The following THEMIS variants were observed in gnomAD, a reference collection of about 807,000 sequenced individuals.
THEMIS encodes the protein protein THEMIS.
THEMIS carries 37 observed loss-of-function variants against 52.6 expected under a neutral mutation model. That is an observed-to-expected ratio of 0.70 (90% CI 0.54 to 0.93). The LOEUF is 0.93. Among genes scored for constraint, THEMIS ranks in the 40% least tolerant of loss-of-function variants. The pLI, the probability that THEMIS is intolerant of heterozygous loss-of-function variation, is 0.00. For synonymous variants in THEMIS, 292 were observed against 272.7 expected (o/e 1.07, Z -0.70); for missense variants, 808 against 763.1 (o/e 1.06, Z -0.69).
chr6:127,809,940 C>T (rs897353268), intron 4 of THEMIS, among the ~76,000 whole-genome samples: 34 of 151,286 alleles, frequency 2.2e-4, no homozygotes, highest in African/African-American at 8.0e-4. Flanking sequence ...TTTAACAGCT[C>T]CTTACAAACT....
intron 4 of THEMIS, among the ~76,000 whole-genome samples, chr6:127,784,986 TC>T (rs1355136707): frequency 2.9e-3 from 368 of 126,430 alleles, no homozygotes; most frequent in Non-Finnish European, 3.9e-3. Flanking sequence ...TATCTATCTA[TC>T]TATCTATCTA....
chr6:127,823,197 G>A (rs1273983787), intron 3 of THEMIS, among the ~76,000 whole-genome samples: 1 of 152,120 alleles, frequency 6.6e-6, no homozygotes, highest in Non-Finnish European at 1.5e-5. Context: ...TAAGACTGCA[G>A]CCTAAAGGAA....
chr6:127,899,379 A>G (rs2114499704), intron 1 of THEMIS, among the ~76,000 whole-genome samples: 1 of 152,056 alleles, frequency 6.6e-6, no homozygotes, highest in Non-Finnish European at 1.5e-5. Flanking sequence ...TTACAAAAAT[A>G]GTGTGTTTGG....
chr6:127,807,421 A>G (rs552113743), intron 4 of THEMIS: 1 of 200,782 alleles, frequency 5.0e-6, no homozygotes, highest in Admixed American at 6.2e-5. Context: ...CTCACAGTCA[A>G]AAAAGCTAAA....
At position 127,812,864 on chromosome 6, in the gene THEMIS, T is replaced by G. The variant is rs1562273062; in HGVS notation, c.1758+19A>C. 2 of 1,550,712 alleles carry G rather than the reference T, an allele frequency of 1.3e-6. No homozygotes were observed. ...AAGGAACACACTCCAGAGAAAACAT[T>G]GCAAAACCATAGCCTTACCTTGGGA... is the stretch of plus-strand genomic sequence containing the variant. On this transcript the variant is annotated intron_variant, in intron 4 of 5. Transcript: ENST00000368248.
chr6:127,852,482 AC>A (rs1779462898), intron 2 of THEMIS, among the ~76,000 whole-genome samples: 1 of 151,590 alleles, frequency 6.6e-6, no homozygotes, highest in South Asian at 2.1e-4. Flanking sequence ...TCCAAAAAAA[AC>A]AAGTCTCAAT....
At chr6:127,767,788 C>T (rs1776250972) in intron 4 of THEMIS, among the ~76,000 whole-genome samples, 1 of 152,080 alleles carries the variant, frequency 6.6e-6, no homozygotes, top group South Asian at 2.1e-4. Flanking sequence ...ATGTACTATA[C>T]TTTTATACAA....
At chr6:127,841,030 CA>C (rs1779030982) in intron 2 of THEMIS, among the ~76,000 whole-genome samples, 1 of 152,006 alleles carries the variant, frequency 6.6e-6, no homozygotes, top group South Asian at 2.1e-4. Flanking sequence ...GGATATGTGT[CA>C]TTCTACATTT....
chr6:127,918,305 C>G (rs1781567428), intron 1 of THEMIS: 1 of 152,156 alleles, frequency 6.6e-6, no homozygotes, highest in African/African-American at 2.4e-5. Flanking sequence ...AAATTTTCTT[C>G]TAGGCTAAGT....
intron 4 of THEMIS, among the ~76,000 whole-genome samples, chr6:127,802,258 G>T (rs1279701398): frequency 1.3e-5 from 2 of 152,140 alleles, no homozygotes; most frequent in Non-Finnish European, 2.9e-5. Flanking sequence ...ATATACCCTT[G>T]ACCAATGCCT....
chr6:127,851,309 T>G (rs1404837667), intron 2 of THEMIS, among the ~76,000 whole-genome samples: 2 of 151,628 alleles, frequency 1.3e-5, no homozygotes, highest in East Asian at 1.9e-4. Context: ...ACACTTCAAG[T>G]AGACTAAACT....
intron 4 of THEMIS, among the ~76,000 whole-genome samples, chr6:127,782,922 C>T (rs1301766262): frequency 6.6e-6 from 1 of 152,170 alleles, no homozygotes; most frequent in East Asian, 1.9e-4. Context: ...ATAGAACCTA[C>T]ATAGCCAAAA....
intron 4 of THEMIS, among the ~76,000 whole-genome samples, chr6:127,805,384 T>C (rs563868533): frequency 1.8e-4 from 28 of 152,206 alleles, no homozygotes; most frequent in African/African-American, 6.7e-4. Flanking sequence ...TGAGAAAGTT[T>C]ACGGCTATAA....
chr6:127,725,155 TTATA>T (rs1452508034), intron 4 of THEMIS, among the ~76,000 whole-genome samples: 1 of 152,086 alleles, frequency 6.6e-6, no homozygotes, highest in African/African-American at 2.4e-5. Context: ...CCCTCTCTGC[TTATA>T]TAAACACTGC....
intron 4 of THEMIS, among the ~76,000 whole-genome samples, chr6:127,736,750 C>T (rs1249305228): frequency 1.3e-5 from 2 of 150,946 alleles, no homozygotes; most frequent in Non-Finnish European, 2.9e-5. Flanking sequence ...TCTTCTATCT[C>T]CTAATGTAGT....
At chr6:127,820,952 T>C (rs1194687522) in intron 3 of THEMIS, among the ~76,000 whole-genome samples, 1 of 152,022 alleles carries the variant, frequency 6.6e-6, no homozygotes, top group Non-Finnish European at 1.5e-5. Context: ...TTATGGCAAA[T>C]ATTATATCTA....
intron 4 of THEMIS, among the ~76,000 whole-genome samples, chr6:127,802,014 G>A (rs775139375): frequency 6.6e-6 from 1 of 152,176 alleles, no homozygotes; most frequent in Non-Finnish European, 1.5e-5. Context: ...GGCCCACTAA[G>A]TAGGAACTCT....
intron 5 of THEMIS, among the ~76,000 whole-genome samples, chr6:127,715,399 G>T (rs570695557): frequency 1.3e-3 from 199 of 151,920 alleles, no homozygotes; most frequent in Non-Finnish European, 2.5e-3. Flanking sequence ...GAATAACATT[G>T]AATTATTGAG....
intron 1 of THEMIS, among the ~76,000 whole-genome samples, chr6:127,885,509 A>T (rs1780617959): frequency 6.6e-6 from 1 of 152,100 alleles, no homozygotes; most frequent in African/African-American, 2.4e-5. Flanking sequence ...TAGTCTTTGG[A>T]ATTTTTAAGG....
Sources: allele counts gnomAD v4.1 joint callset (sites outside exome capture counted in the v4.1 genomes callset), GRCh38; gene constraint gnomAD v4.1.1; transcripts MANE v1.5; gene names NCBI Gene and HGNC (gene_info 2026-07-23, HGNC 2026-07-21).